The following KANSL1L variants were observed in gnomAD, a reference collection of about 807,000 sequenced individuals.
KANSL1L encodes KAT8 regulatory NSL complex subunit 1 like, also known as KAT8 regulatory NSL complex subunit 1-like protein.
A neutral mutation model predicts 108.6 loss-of-function variants in KANSL1L; 25 were observed. The observed-to-expected ratio is 0.23, with a 90% CI of 0.17 to 0.32. The LOEUF (loss-of-function observed/expected upper bound fraction) is 0.32, where lower values mean the gene tolerates loss of function less well. KANSL1L is among the 10% of genes least tolerant of loss of function. The pLI is 1.00. For missense variants in KANSL1L, 1,137 were observed against 1,125.7 expected (o/e 1.01, Z -0.14); for synonymous variants, 405 against 395.1 (o/e 1.03, Z -0.30).
At chr2:210,161,846 G>T (rs1016849796) in intron 1 of KANSL1L, among the ~76,000 whole-genome samples, 5 of 151,762 alleles carry the variant, frequency 3.3e-5, no homozygotes, top group Non-Finnish European at 7.4e-5. Flanking sequence ...AATGAGTAAG[G>T]AGGAATACTG....
chr2:210,116,510 C>T (rs935660944), intron 3 of KANSL1L, among the ~76,000 whole-genome samples: 16 of 152,134 alleles, frequency 1.1e-4, no homozygotes, highest in East Asian at 3.9e-4. Context: ...CCTTGTGTCA[C>T]GCCTCTCCTA....
chr2:210,032,145 G>T (rs2094027091), intron 8 of KANSL1L: 2 of 152,146 alleles, frequency 1.3e-5, no homozygotes, highest in African/African-American at 4.8e-5. Context: ...CAACCAAATT[G>T]GCTTCTTTTT....
At chr2:210,082,876 C>T (rs2094601389) in intron 5 of KANSL1L, among the ~76,000 whole-genome samples, 1 of 152,122 alleles carries the variant, frequency 6.6e-6, no homozygotes, top group Non-Finnish European at 1.5e-5. Context: ...CCCCCTCCAC[C>T]CATAAAACTA....
At chr2:210,138,275 T>C (rs1427330622) in intron 2 of KANSL1L, among the ~76,000 whole-genome samples, 1 of 151,120 alleles carries the variant, frequency 6.6e-6, no homozygotes, top group Non-Finnish European at 1.5e-5. Context: ...TGGGTAAACA[T>C]AGACATAAAG....
rs1559493209 is a variant in KANSL1L, at chr2:210,025,066, T to TG, written c.2564+37dup. ...ATGCAGAGGTTTTGTTCATTTCACA[T>TG]GGATTCTATGGCTTGGGGTTTTAAA... On this transcript the variant is annotated intron_variant, in intron 13 of 14. Coordinates refer to ENST00000281772, the MANE Select transcript of KANSL1L (RefSeq NM_152519.4). 4 of 1,290,196 alleles carry TG rather than the reference T, an allele frequency of 3.1e-6. No homozygotes were observed. The South Asian group carries it at 4.7e-5, about 15-fold the overall frequency. 79.9% of individuals were successfully genotyped at this position (1,290,196 alleles called of 1,614,324 possible). A position where few individuals can be genotyped will look rare whatever the true frequency, so the allele number is the denominator to read the frequency against.
At chr2:210,055,705 A>G (rs1464061786) in intron 6 of KANSL1L, among the ~76,000 whole-genome samples, 1 of 152,200 alleles carries the variant, frequency 6.6e-6, no homozygotes. Context: ...GACTGGCAAC[A>G]TTTTACTCCT....
intron 2 of KANSL1L, 108 bp downstream of exon 2, chr2:210,153,387 T>C: frequency 1.3e-6 from 1 of 794,826 alleles, no homozygotes; most frequent in Non-Finnish European, 2.0e-6. Flanking sequence ...AAAAAGATTA[T>C]AGCATTAAGA....
At chr2:210,130,421 T>A (rs552384392) in intron 2 of KANSL1L, among the ~76,000 whole-genome samples, 1 of 152,330 alleles carries the variant, frequency 6.6e-6, no homozygotes, top group South Asian at 2.1e-4. Context: ...TTCTAAGAGA[T>A]CATTTGCTGT....
chr2:210,093,963 A>ATC (rs2094714337), intron 5 of KANSL1L, among the ~76,000 whole-genome samples: 4 of 152,328 alleles, frequency 2.6e-5, no homozygotes, highest in Admixed American at 1.3e-4. Context: ...GTTTGTCACA[A>ATC]AAGGACAAAC....
At chr2:210,032,877 G>A (rs567543197) in intron 8 of KANSL1L, 1 of 152,242 alleles carries the variant, frequency 6.6e-6, no homozygotes, top group African/African-American at 2.4e-5. Context: ...AAGCATTCAT[G>A]GAATACAGAT....
intron 6 of KANSL1L, among the ~76,000 whole-genome samples, chr2:210,058,396 A>G (rs2094380208): frequency 6.6e-6 from 1 of 152,010 alleles, no homozygotes; most frequent in Non-Finnish European, 1.5e-5. Flanking sequence ...AGCAATTTTA[A>G]TTTCACCCTG....
chr2:210,079,397 A>G (rs1291790053), intron 5 of KANSL1L, among the ~76,000 whole-genome samples: 2 of 151,260 alleles, frequency 1.3e-5, no homozygotes, highest in Non-Finnish European at 2.9e-5. Flanking sequence ...GGAGTTCGAG[A>G]CCAGCCTGGC....
intron 5 of KANSL1L, among the ~76,000 whole-genome samples, chr2:210,091,261 G>A (rs780979306): frequency 6.6e-5 from 10 of 152,056 alleles, no homozygotes; most frequent in Non-Finnish European, 1.0e-4. Flanking sequence ...TTGTTCATAG[G>A]TTTAGGATGA....
intron 5 of KANSL1L, among the ~76,000 whole-genome samples, chr2:210,085,531 T>C (rs1193775155): frequency 6.6e-6 from 1 of 152,176 alleles, no homozygotes; most frequent in Non-Finnish European, 1.5e-5. Flanking sequence ...TTGTCTGATC[T>C]GAGGCACTTA....
At chr2:210,153,019 C>T (rs1266058726) in intron 2 of KANSL1L, 1 of 153,140 alleles carries the variant, frequency 6.5e-6, no homozygotes, top group Non-Finnish European at 1.5e-5. Flanking sequence ...AATAATTTAA[C>T]AAACAAAACA....
chr2:210,103,946 G>A lies in KANSL1L; in HGVS notation c.1428+158C>T, dbSNP rs571361845. The A allele has an allele frequency of 7.8e-5, 43 of 551,408 alleles. No homozygotes were observed. In the South Asian group the frequency reaches 1.2e-3, roughly 15 times the overall value. The allele number at this position is 551,408 out of a possible 1,614,324, so 34.2% of individuals were successfully genotyped here. ...TTATATTGGTATTATAATGGAGACT[G>A]GTCATATGTCAAATATTTTAATTGT... is the stretch of plus-strand genomic sequence containing the variant. On this transcript the variant is annotated intron_variant, in intron 4 of 14. Transcript: ENST00000281772.
rs577383767 is a variant in KANSL1L at position 210,063,194 on chromosome 2, T to C, written c.1755+12358A>G. ...CCAAACCTTGGCAGTTTCCATGTGGTGTTGAGCCTGCAAGTGCATAGAAGT... is the reference window on the plus strand; with the variant it reads ...CCAAACCTTGGCAGTTTCCATGTGGCGTTGAGCCTGCAAGTGCATAGAAGT... On this transcript the variant is annotated intron_variant, in intron 6 of 14. Transcript: ENST00000281772. 2.8e-4 allele frequency among the ~76,000 whole-genome samples: 43 copies of C among 152,292 alleles called. No homozygotes were observed. The South Asian group carries it at 8.9e-3, about 32-fold the overall frequency.
intron 6 of KANSL1L, among the ~76,000 whole-genome samples, chr2:210,051,612 T>A (rs1158316920): frequency 1.3e-5 from 2 of 152,194 alleles, no homozygotes; most frequent in Non-Finnish European, 2.9e-5. Context: ...ATCAAAAAAA[T>A]TTTCCTTCAG....
intron 3 of KANSL1L, among the ~76,000 whole-genome samples, chr2:210,118,115 G>T (rs1378378128): frequency 4.7e-5 from 7 of 147,922 alleles, no homozygotes; most frequent in African/African-American, 1.7e-4. Flanking sequence ...GCAGTGAGGT[G>T]AGATCACGCC....
Sources: allele counts gnomAD v4.1 joint callset (sites outside exome capture counted in the v4.1 genomes callset), GRCh38; gene constraint gnomAD v4.1.1; transcripts MANE v1.5; gene names NCBI Gene and HGNC (gene_info 2026-07-23, HGNC 2026-07-21).